ITGA6: variants seen among roughly 807,000 people sequenced by gnomAD.
ITGA6 encodes integrin alpha-6.
Under a neutral mutation model 133.6 loss-of-function variants are expected in ITGA6, and 63 were observed. The observed-to-expected ratio is 0.47, with a 90% CI of 0.38 to 0.58. The LOEUF (loss-of-function observed/expected upper bound fraction) is 0.58. ITGA6 is among the 20% of genes least tolerant of loss of function. The probability of loss-of-function intolerance (pLI) is 0.00; values close to 1 mark genes in which losing one functional copy is unlikely to be tolerated. For missense variants in ITGA6, 1,068 were observed against 1,309.4 expected (o/e 0.82, Z 2.85); for synonymous variants, 434 against 482.0 (o/e 0.90, Z 1.30).
At chr2:172,466,164 G>A (rs1389173176) in intron 2 of ITGA6, 1 of 209,912 alleles carries the variant, frequency 4.8e-6, no homozygotes, top group Admixed American at 5.3e-5. Flanking sequence ...AAGATACCAT[G>A]AGGTAGGCAT....
In ITGA6 at chr2:172,488,058, A is replaced by G. The variant is rs748866790; in HGVS notation, c.2402+20A>G. 1 of 1,612,898 alleles carries G rather than the reference A, an allele frequency of 6.2e-7. No individual in the cohort carries two copies. The highest frequency in any genetic ancestry group is 8.5e-7 in the Non-Finnish European group (1 of 1,178,840). ...CTCGGGGTAAGTGTTTGTGTTTAGC[A>G]TAACAAATCAATGTTTGAAAGAACC... On this transcript the variant is annotated intron_variant, in intron 18 of 25. Coordinates refer to ENST00000684293, the MANE Select transcript of ITGA6 (RefSeq NM_000210.4).
In ITGA6 at chr2:172,497,961, T is replaced by C. The variant is rs1432366168; in HGVS notation, c.2989-14T>C. The C allele has an allele frequency of 6.2e-7, 1 of 1,613,782 alleles. No individual in the cohort carries two copies. Among genetic ancestry groups the C allele is most frequent in the South Asian group, 1.1e-5 (1 of 91,070 alleles). On this transcript the variant is annotated splice_polypyrimidine_tract_variant and intron_variant, in intron 23 of 25. Coordinates refer to ENST00000684293, the MANE Select transcript of ITGA6 (RefSeq NM_000210.4). ...GCTGTATGTAGTAATGCTGCTTTCTTTTCTGCCCTGTAGGTTCGAGTGACT... is the reference window on the plus strand; with the variant it reads ...GCTGTATGTAGTAATGCTGCTTTCTCTTCTGCCCTGTAGGTTCGAGTGACT...
rs185253488 is a variant in ITGA6, at chr2:172,495,087, G to A, written c.2989-2888G>A. Among the ~76,000 whole-genome samples the A allele has an allele frequency of 1.2e-4, 18 of 152,296 alleles. No individual in the cohort carries two copies. The East Asian group carries it at 3.3e-3, about 28-fold the overall frequency. On this transcript the variant is annotated intron_variant, in intron 23 of 25. Coordinates refer to ENST00000684293, the MANE Select transcript of ITGA6 (RefSeq NM_000210.4). ...AAAGATACGAAAATCCCTTCATTGGGTGACTTCCTGTACTGAATGAAGTTC... is the reference window on the plus strand; with the variant it reads ...AAAGATACGAAAATCCCTTCATTGGATGACTTCCTGTACTGAATGAAGTTC...
At chr2:172,472,558 G>A (rs1306380634) in intron 5 of ITGA6, among the ~76,000 whole-genome samples, 2 of 152,070 alleles carry the variant, frequency 1.3e-5, no homozygotes, top group African/African-American at 2.4e-5. Context: ...TGTTACATTC[G>A]GTTTGTCTGT....
At chr2:172,495,706 A>G (rs1687100042) in intron 23 of ITGA6, among the ~76,000 whole-genome samples, 1 of 152,184 alleles carries the variant, frequency 6.6e-6, no homozygotes, top group Non-Finnish European at 1.5e-5. Flanking sequence ...TGAGTTAACA[A>G]TATGTGGAAG....
In ITGA6 at chr2:172,504,337, A is replaced by AATCC; in HGVS notation, c.*270_*273dup. ...TCAATTTGGATTTAAAAGCCTGCTC[A>AATCC]ATCCCTGAGGACTGATTTCAGAGTG... On this transcript the variant is annotated 3_prime_UTR_variant, in exon 26 of 26. Transcript: ENST00000684293. 9.7e-7 allele frequency: 1 copy of AATCC among 1,031,416 alleles called. No individual in the cohort carries two copies. The highest frequency in any genetic ancestry group is 1.7e-5 in the South Asian group (1 of 58,244). The allele number at this position is 1,031,416 out of a possible 1,614,324, so 63.9% of individuals were successfully genotyped here. A position where few individuals can be genotyped will look rare whatever the true frequency, so the allele number is the denominator to read the frequency against.
At chr2:172,428,680 T>G (rs1683981281) in intron 1 of ITGA6, 1 of 151,872 alleles carries the variant, frequency 6.6e-6, no homozygotes, top group East Asian at 1.9e-4. Flanking sequence ...CGAGACCCGC[T>G]CGGCTCCTGC....
intron 5 of ITGA6, chr2:172,472,794 G>A (rs769276728): frequency 1.2e-5 from 20 of 1,611,908 alleles, no homozygotes; most frequent in South Asian, 4.4e-5. Context: ...TTTGACCAGC[G>A]TTTCCTATAC....
intron 1 of ITGA6, among the ~76,000 whole-genome samples, chr2:172,452,884 G>A (rs1001898972): frequency 6.6e-6 from 1 of 152,166 alleles, no homozygotes; most frequent in Non-Finnish European, 1.5e-5. Flanking sequence ...CTGCTGTAAG[G>A]CTAAGCTGTT....
In ITGA6 at chr2:172,487,303, G is replaced by A. The variant is rs551204285; in HGVS notation, c.2010G>A (p.Lys670=). 1.9e-6 allele frequency: 3 copies of A among 1,614,010 alleles called. No homozygotes were observed. In the African/African-American group the frequency reaches 4.0e-5, roughly 22 times the overall value. The change falls in exon 15 of 26, where the codon AAG becomes AAA. Residue 670 remains lysine, a synonymous_variant. Transcript: ENST00000684293. ...CAGAACTAGTTCTAAAAGATCAGAAGGATATTGCTTTAGAAATAACAGTGA... is the reference window on the plus strand; with the variant it reads ...CAGAACTAGTTCTAAAAGATCAGAAAGATATTGCTTTAGAAATAACAGTGA... The part of the protein sequence containing the change: ...GVPELVLKDQ[K]DIALEITVTN...
chr2:172,481,740 G>A (rs907492045), intron 11 of ITGA6, among the ~76,000 whole-genome samples: 2 of 152,218 alleles, frequency 1.3e-5, no homozygotes, highest in African/African-American at 4.8e-5. Context: ...TGCACAGGGG[G>A]AGCTGTGGCC....
chr2:172,476,073 G>GT, intron 8 of ITGA6, among the ~76,000 whole-genome samples: 1 of 152,272 alleles, frequency 6.6e-6, no homozygotes, highest in East Asian at 1.9e-4. Context: ...AATTAAAAAT[G>GT]TCTTTTGAGA....
chr2:172,497,820 T>C (rs1426857930), intron 23 of ITGA6, among the ~76,000 whole-genome samples, 155 bp from the exon 24 acceptor site: 2 of 152,224 alleles, frequency 1.3e-5, no homozygotes, highest in Non-Finnish European at 2.9e-5. Context: ...AGCAATATTC[T>C]GTTAAGAGAA....
intron 1 of ITGA6, among the ~76,000 whole-genome samples, chr2:172,452,567 A>G (rs1050571601): frequency 1.3e-5 from 2 of 152,220 alleles, no homozygotes; most frequent in Non-Finnish European, 2.9e-5. Context: ...CAATAGGAAT[A>G]GGGTGATTCT....
At chr2:172,430,366 G>T (rs2148989521) in intron 1 of ITGA6, among the ~76,000 whole-genome samples, 1 of 152,292 alleles carries the variant, frequency 6.6e-6, no homozygotes, top group East Asian at 1.9e-4. Context: ...AAAGCCAAAG[G>T]TGGTTGTTTT....
chr2:172,476,278 C>T (rs982682271), intron 8 of ITGA6, 117 bp from the exon 9 acceptor site: 15 of 756,576 alleles, frequency 2.0e-5, no homozygotes, highest in Admixed American at 5.3e-5. Flanking sequence ...ATATAATTTA[C>T]TTATAAGTGA....
In ITGA6 at chr2:172,437,085, T is replaced by C. The variant is rs75734179; in HGVS notation, c.182+9115T>C. ...ACAAAGGCCCTGAGGCAGAAGCATG[T>C]TCAGGCAAAGCAGTGAGTCTCCTTG... On this transcript the variant is annotated intron_variant, in intron 1 of 25. Transcript: ENST00000684293. 3.3e-3 allele frequency among the ~76,000 whole-genome samples: 510 copies of C among 152,308 alleles called. 2 individuals are homozygous for C. Among genetic ancestry groups the C allele is most frequent in the African/African-American group, 0.012 (491 of 41,558 alleles).
intron 17 of ITGA6, 46 bp from the exon 18 acceptor site, chr2:172,487,915 A>G: frequency 2.5e-6 from 4 of 1,570,470 alleles, no homozygotes; most frequent in Non-Finnish European, 3.5e-6. Context: ...GTAGTGAGAA[A>G]ACTGACTGGT....
chr2:172,491,607 T>C lies in ITGA6; in HGVS notation c.2988+84T>C. On this transcript the variant is annotated intron_variant, in intron 23 of 25. Transcript: ENST00000684293. This position sits in a 1 kb window ranked among gnomAD's most constrained non-coding sequence, Gnocchi z 4.4. ...CACTCATGTCCTGAAGTCATGTGCT[T>C]TGGTGCTCATTTCCCTCATAGCCCC... 1 of 886,174 alleles carries C rather than the reference T, an allele frequency of 1.1e-6. No homozygotes were observed. The allele number at this position is 886,174 out of a possible 1,614,324, so 54.9% of individuals were successfully genotyped here.
Sources: gnomAD v4.1 joint callset for allele counts (sites outside exome capture counted in the v4.1 genomes callset) on GRCh38, gnomAD v4.1.1 for gene constraint, Gnocchi (gnomAD v3.1) non-coding constraint, MANE v1.5 for transcripts, NCBI Gene and HGNC (gene_info 2026-07-23, HGNC 2026-07-21) for gene names.